The following RASEF variants were observed in gnomAD, a reference collection of about 807,000 sequenced individuals.
RASEF encodes the protein RAS and EF-hand domain containing.
RASEF carries 68 observed loss-of-function variants against 90.1 expected under a neutral mutation model. That is an observed-to-expected ratio of 0.75 (90% confidence interval 0.62 to 0.92). The LOEUF (loss-of-function observed/expected upper bound fraction) is 0.92. Among genes scored for constraint, RASEF ranks in the 40% least tolerant of loss-of-function variants. RASEF has a pLI of 0.00. For missense variants in RASEF, 949 were observed against 937.2 expected (o/e 1.01, Z -0.16); for synonymous variants, 331 against 345.2 (o/e 0.96, Z 0.46).
chr9:82,993,101 A>C lies in RASEF; in HGVS notation c.1921-76T>G. 3 of 1,481,390 alleles carry C rather than the reference A, an allele frequency of 2.0e-6. No homozygotes were observed. In the Admixed American group the frequency reaches 6.2e-5, roughly 30 times the overall value. The allele number at this position is 1,481,390 out of a possible 1,614,324, so 91.8% of individuals were successfully genotyped here. On this transcript the variant is annotated intron_variant, in intron 14 of 16. Coordinates refer to ENST00000376447, the MANE Select transcript of RASEF (RefSeq NM_152573.4). ...ACGATGACCACAGAACAACAGCAACAGCAATTACCATTTTCCCTTTGCCTC... is the reference window on the plus strand; with the variant it reads ...ACGATGACCACAGAACAACAGCAACCGCAATTACCATTTTCCCTTTGCCTC...
the RASEF span, among the ~76,000 whole-genome samples, chr9:83,167,225 A>G: frequency 2.0e-5 from 3 of 152,036 alleles, no homozygotes; most frequent in Admixed American, 2.0e-4. Context: ...ATAAGGAATG[A>G]GTAGATAACC....
At chr9:83,041,616 G>A (rs1323365243) in intron 1 of RASEF, among the ~76,000 whole-genome samples, 2 of 152,040 alleles carry the variant, frequency 1.3e-5, no homozygotes, top group Non-Finnish European at 2.9e-5. Flanking sequence ...TGGTGCTTGG[G>A]GTACATTCTC....
At chr9:83,039,111 C>G (rs1033906366) in intron 1 of RASEF, among the ~76,000 whole-genome samples, 1 of 152,138 alleles carries the variant, frequency 6.6e-6, no homozygotes, top group African/African-American at 2.4e-5. Context: ...TAATCTCAGT[C>G]TTTGATCAGA....
At chr9:83,178,068 T>C in the RASEF span, among the ~76,000 whole-genome samples, 1 of 152,174 alleles carries the variant, frequency 6.6e-6, no homozygotes, top group African/African-American at 2.4e-5. Flanking sequence ...AATGGTTGTT[T>C]TTTGTTGGTT....
At chr9:83,086,716 G>T in the RASEF span, among the ~76,000 whole-genome samples, 408 of 152,268 alleles carry the variant, frequency 2.7e-3, 3 homozygotes, top group Non-Finnish European at 2.0e-3. Context: ...GGAGAACTCA[G>T]TTCCTCAACA....
intron 1 of RASEF, among the ~76,000 whole-genome samples, chr9:83,033,839 T>C (rs1829689774): frequency 6.6e-6 from 1 of 152,176 alleles, no homozygotes; most frequent in Non-Finnish European, 1.5e-5. Context: ...TAATTATTTC[T>C]CTTTTTGGGT....
chr9:83,095,378 G>A, the RASEF span, among the ~76,000 whole-genome samples: 1 of 151,162 alleles, frequency 6.6e-6, no homozygotes, highest in African/African-American at 2.4e-5. Flanking sequence ...ATGGCAGCAG[G>A]AAGCAATGGC....
chr9:83,171,768 T>A, the RASEF span, among the ~76,000 whole-genome samples: 10 of 151,970 alleles, frequency 6.6e-5, no homozygotes, highest in East Asian at 9.6e-4. Context: ...TTATAGTATT[T>A]CCTTTGTTGT....
chr9:83,182,864 A>G, the RASEF span, among the ~76,000 whole-genome samples: 1 of 152,212 alleles, frequency 6.6e-6, no homozygotes, highest in Non-Finnish European at 1.5e-5. Context: ...AATGTGCCAT[A>G]CCTTAGCAAT....
chr9:83,208,144 C>G, the RASEF span, among the ~76,000 whole-genome samples: 1 of 152,128 alleles, frequency 6.6e-6, no homozygotes, highest in Non-Finnish European at 1.5e-5. Context: ...TGGATGGGGT[C>G]GTCACCTCTG....
chr9:83,035,667 T>C (rs919933203), intron 1 of RASEF, among the ~76,000 whole-genome samples: 1 of 152,192 alleles, frequency 6.6e-6, no homozygotes, highest in South Asian at 2.1e-4. Flanking sequence ...AAGTTAAATG[T>C]AGGCATAATC....
the RASEF span, among the ~76,000 whole-genome samples, chr9:83,170,557 G>A: frequency 6.6e-6 from 1 of 151,586 alleles, no homozygotes; most frequent in African/African-American, 2.4e-5. Context: ...CATGAACCTG[G>A]CATATTTTTT....
At chr9:83,044,111 ACC>A (rs1829888702) in intron 1 of RASEF, among the ~76,000 whole-genome samples, 1 of 152,146 alleles carries the variant, frequency 6.6e-6, no homozygotes, top group South Asian at 2.1e-4. Flanking sequence ...AGCAGATAGA[ACC>A]CATTCCTACT....
the RASEF span, among the ~76,000 whole-genome samples, chr9:83,122,648 T>G: frequency 0.088 from 13,377 of 152,230 alleles, 625 homozygotes; most frequent in African/African-American, 0.13. Flanking sequence ...AAATTATATT[T>G]ATAAAGAGCT....
chr9:83,030,947 T>G (rs1829634802), intron 1 of RASEF, among the ~76,000 whole-genome samples: 1 of 152,140 alleles, frequency 6.6e-6, no homozygotes, highest in African/African-American at 2.4e-5. Flanking sequence ...CTCTCCCACT[T>G]TCTCCCTCAT....
intron 7 of RASEF, among the ~76,000 whole-genome samples, chr9:83,007,093 C>CAA (rs11394639): frequency 0.023 from 2,974 of 126,978 alleles, 121 homozygotes; most frequent in African/African-American, 0.063. Flanking sequence ...GACTCTGTCT[C>CAA]AAAAAAAAAA....
chr9:83,169,350 TACACACACACACACACACAC>T, the RASEF span, among the ~76,000 whole-genome samples: 6 of 145,990 alleles, frequency 4.1e-5, no homozygotes, highest in Non-Finnish European at 4.5e-5. Context: ...CTGATTTCCA[TACACACACACACACACACAC>T]ACACACACAC....
chr9:83,201,709 T>G, the RASEF span, among the ~76,000 whole-genome samples: 5 of 152,148 alleles, frequency 3.3e-5, no homozygotes, highest in Admixed American at 6.5e-5. Context: ...TTGGCATGAT[T>G]TCATGCTTGG....
the RASEF span, among the ~76,000 whole-genome samples, chr9:83,148,873 GGC>G: frequency 6.6e-6 from 1 of 152,164 alleles, no homozygotes; most frequent in African/African-American, 2.4e-5. Context: ...TGATTCCTCT[GGC>G]AGGGATCTAC....
Sources: gnomAD v4.1 joint callset for allele counts (sites outside exome capture counted in the v4.1 genomes callset) on GRCh38, gnomAD v4.1.1 for gene constraint, MANE v1.5 for transcripts, NCBI Gene and HGNC (gene_info 2026-07-23, HGNC 2026-07-21) for gene names.